The following GADD45GIP1 variants were observed in gnomAD, a reference collection of about 807,000 sequenced individuals.
GADD45GIP1 encodes the protein large ribosomal subunit protein mL64.
A neutral mutation model predicts 22.1 loss-of-function variants in GADD45GIP1; 17 were observed. The ratio of observed to expected loss-of-function variants is 0.77; its 90% CI spans 0.53 to 1.15. GADD45GIP1 has a LOEUF of 1.15. Ranked by LOEUF, GADD45GIP1 falls within the 50% of genes most tolerant of loss-of-function variation. GADD45GIP1 has a pLI of 0.00. For missense variants in GADD45GIP1, 294 were observed against 314.0 expected (o/e 0.94, Z 0.48); for synonymous variants, 135 against 138.4 (o/e 0.98, Z 0.17).
At chr19:12,956,805 G>C in intron 1 of GADD45GIP1, 58 bp downstream of exon 1, 1 of 1,507,696 alleles carries the variant, frequency 6.6e-7, no homozygotes, top group Non-Finnish European at 9.1e-7. Flanking sequence ...CACGGTTTGG[G>C]GCCCAGTTCG....
rs771786408 is a variant in GADD45GIP1, at chr19:12,957,010, G to T, written c.203C>A (p.Ser68Tyr). Reference protein sequence around the residue: ...AKQFARYGAASGVVPGSLWPS... With the variant: ...AKQFARYGAAYGVVPGSLWPS... ...CCATAACGAACCGGGGACCACCCCG[G>T]AGGCGGCGCCGTAACGCGCGAACTG... The change falls in exon 1 of 2, where the codon TCC (serine) becomes TAC (tyrosine). Residue 68 changes from serine (S) to tyrosine (Y), a missense_variant. Transcript: ENST00000316939. 5.0e-6 allele frequency: 8 copies of T among 1,598,090 alleles called. No individual in the cohort carries two copies. Among genetic ancestry groups the T allele is most frequent in the African/African-American group, 4.0e-5 (3 of 74,870 alleles).
chr19:12,953,447 T>G lies in GADD45GIP1; in HGVS notation c.*761A>C, dbSNP rs1440842912. 2 of 155,708 alleles carry G rather than the reference T, an allele frequency of 1.3e-5. No homozygotes were observed. Among genetic ancestry groups the G allele is most frequent in the East Asian group, 3.8e-4 (2 of 5,298 alleles). The allele number at this position is 155,708 out of a possible 1,614,324, so 9.6% of individuals were successfully genotyped here. On this transcript the variant is annotated 3_prime_UTR_variant, in exon 2 of 2. Transcript: ENST00000316939. The stretch of plus-strand genomic sequence containing the variant: ...ATGAGGGGAAGCTGGAGCCCCAACT[T>G]TGATCCTCCATTGGAGTGGCCCAAA...
rs1971887878 is a variant in GADD45GIP1 at position 12,953,943 on chromosome 19, G to A, written c.*265C>T. The A allele has an allele frequency of 1.1e-5, 5 of 461,040 alleles. No homozygotes were observed. The highest frequency in any genetic ancestry group is 1.9e-5 in the Non-Finnish European group (5 of 259,152). 28.6% of individuals were successfully genotyped at this position (461,040 alleles called of 1,614,324 possible). A position where few individuals can be genotyped will look rare whatever the true frequency, so the allele number is the denominator to read the frequency against. ...TGGCTAATTACTGGAGATGAATGTT[G>A]GTAAACAGAAGCCTTCTTCTCTTCT... On this transcript the variant is annotated 3_prime_UTR_variant, in exon 2 of 2. Transcript: ENST00000316939.
At chr19:12,956,316 C>A (rs1971923672) in intron 1 of GADD45GIP1, among the ~76,000 whole-genome samples, 2 of 152,204 alleles carry the variant, frequency 1.3e-5, no homozygotes, top group South Asian at 4.1e-4. Context: ...CCACCGCCCC[C>A]GGCCTGGGAC....
intron 1 of GADD45GIP1, among the ~76,000 whole-genome samples, chr19:12,955,061 T>A (rs1027794829): frequency 1.3e-5 from 2 of 152,164 alleles, no homozygotes; most frequent in Non-Finnish European, 2.9e-5. Context: ...ACTCAGGTAT[T>A]AAACCTAGTA....
chr19:12,956,932 G>C lies in GADD45GIP1; in HGVS notation c.281C>G (p.Pro94Arg), dbSNP rs137887501. 771 of 1,599,712 alleles carry C rather than the reference G, an allele frequency of 4.8e-4. 1 individual carries two copies. The African/African-American group carries it at 8.8e-3, about 18-fold the overall frequency. ...CGACTCCTGCATGGTCGCCAGGCTC[G>C]GGTACCATTCGCGTTCTTCGGCCTC... ...ELEAEEREWY[P>R]SLATMQESLR... Residue 94 changes from proline (P) to arginine (R), a missense_variant, in exon 1 of 2, where the codon CCG becomes CGG. Pro to Arg is a moderately radical substitution (Grantham distance 103). Transcript: ENST00000316939.
Position 12,954,368 on chromosome 19 carries a change from G to C in GADD45GIP1, c.509C>G (p.Pro170Arg). ...AQELLGYQVD[P>R]RSARFQELLQ... ...CAGCTCCTGGAAGCGGGCACTCCTTGGGTCCACCTGGTAGCCCAGGAGCTC... is the reference window on the plus strand; with the variant it reads ...CAGCTCCTGGAAGCGGGCACTCCTTCGGTCCACCTGGTAGCCCAGGAGCTC... Residue 170 changes from proline (P) to arginine (R), a missense_variant, in exon 2 of 2, where the codon CCA becomes CGA. Transcript: ENST00000316939. 6.2e-7 allele frequency: 1 copy of C among 1,614,174 alleles called. No homozygotes were observed. Among genetic ancestry groups the C allele is most frequent in the East Asian group, 2.2e-5 (1 of 44,870 alleles).
chr19:12,957,088 G>C lies in GADD45GIP1; in HGVS notation c.125C>G (p.Pro42Arg). 2 of 1,519,934 alleles carry C rather than the reference G, an allele frequency of 1.3e-6. No homozygotes were observed. The highest frequency in any genetic ancestry group is 1.7e-6 in the Non-Finnish European group (2 of 1,144,028). 94.2% of individuals were successfully genotyped at this position (1,519,934 alleles called of 1,614,324 possible). A position where few individuals can be genotyped will look rare whatever the true frequency, so the allele number is the denominator to read the frequency against. Residue 42 changes from proline to arginine, a missense_variant, in exon 1 of 2, where the codon CCC becomes CGC. Pro to Arg is a moderately radical substitution (Grantham distance 103, BLOSUM62 -2). Transcript: ENST00000316939. Reference protein sequence around the residue: ...RRRPGPRWPDPEDLLTPRWQL... With the variant: ...RRRPGPRWPDREDLLTPRWQL... ...CCACCGCGGGGTCAGGAGGTCCTCG[G>C]GGTCTGGCCACCGGGGTCCCGGCCT...
chr19:12,954,873 G>C (rs1189948334), intron 1 of GADD45GIP1, among the ~76,000 whole-genome samples: 1 of 152,124 alleles, frequency 6.6e-6, no homozygotes, highest in Non-Finnish European at 1.5e-5. Flanking sequence ...CTGTACAGAG[G>C]CCAGGCCCAA....
rs1188911390 is a variant in GADD45GIP1 at position 12,956,848 on chromosome 19, C to T, written c.350+15G>A. 6.3e-7 allele frequency: 1 copy of T among 1,593,754 alleles called. No homozygotes were observed. Among genetic ancestry groups the T allele is most frequent in the South Asian group, 1.1e-5 (1 of 90,082 alleles). On this transcript the variant is annotated intron_variant, in intron 1 of 1. Transcript: ENST00000316939. ...GGCACAGAGGGCAGCCCCGCGTCTG[C>T]CTGCACGCACGCACCTCTCCCGACG...
rs756711783 is a variant in GADD45GIP1 at position 12,954,186 on chromosome 19, T to G, written c.*22A>C. On this transcript the variant is annotated 3_prime_UTR_variant, in exon 2 of 2. Coordinates refer to ENST00000316939, the MANE Select transcript of GADD45GIP1 (RefSeq NM_052850.4). ...TCAGGGGTACTGCCAGGTAGCAGGC[T>G]TTATTGGGAAGGGACAAAGCCTCAG... The G allele has an allele frequency of 6.2e-7, 1 of 1,601,322 alleles. No individual in the cohort carries two copies. The highest frequency in any genetic ancestry group is 8.5e-7 in the Non-Finnish European group (1 of 1,172,838).
At chr19:12,955,241 C>G (rs1014817783) in intron 1 of GADD45GIP1, among the ~76,000 whole-genome samples, 1 of 152,268 alleles carries the variant, frequency 6.6e-6, no homozygotes, top group African/African-American at 2.4e-5. Flanking sequence ...TGATAGCCTC[C>G]AGCTCCCGTC....
In GADD45GIP1 at chr19:12,954,578, C is replaced by G; in HGVS notation, c.351-52G>C. Reference sequence around the variant, plus strand: ...ACACTGGCACTCAGCCAGGGCAGAGCCCACCCACCCATATCTCACCCATAG... The same window carrying G: ...ACACTGGCACTCAGCCAGGGCAGAGGCCACCCACCCATATCTCACCCATAG... On this transcript the variant is annotated intron_variant, in intron 1 of 1. Transcript: ENST00000316939. 3 of 1,482,418 alleles carry G rather than the reference C, an allele frequency of 2.0e-6. No homozygotes were observed. The Admixed American group carries it at 5.9e-5, about 29-fold the overall frequency. The allele number at this position is 1,482,418 out of a possible 1,614,324, so 91.8% of individuals were successfully genotyped here. A position where few individuals can be genotyped will look rare whatever the true frequency, so the allele number is the denominator to read the frequency against.
chr19:12,956,327 A>AG (rs1971923840), intron 1 of GADD45GIP1, among the ~76,000 whole-genome samples: 5 of 152,168 alleles, frequency 3.3e-5, no homozygotes, highest in Admixed American at 3.3e-4. Context: ...GGCCTGGGAC[A>AG]GGGTCTTGCA....
Position 12,954,539 on chromosome 19 carries a change from G to A in GADD45GIP1, c.351-13C>T, listed in dbSNP as rs920128210. On this transcript the variant is annotated splice_polypyrimidine_tract_variant and intron_variant, in intron 1 of 1. Coordinates refer to ENST00000316939, the MANE Select transcript of GADD45GIP1 (RefSeq NM_052850.4). ...GATGTGCTGCTCCCTGCAGGGGAGG[G>A]AGAGTGGGCTGTGACACTGGCACTC... is the stretch of plus-strand genomic sequence containing the variant. 5.6e-6 allele frequency: 9 copies of A among 1,597,598 alleles called. No individual in the cohort carries two copies. Among genetic ancestry groups the A allele is most frequent in the East Asian group, 2.2e-5 (1 of 44,634 alleles).
At position 12,953,921 on chromosome 19, in the gene GADD45GIP1, C is replaced by G; in HGVS notation, c.*287G>C. 1 of 356,248 alleles carries G rather than the reference C, an allele frequency of 2.8e-6. No homozygotes were observed. Among genetic ancestry groups the G allele is most frequent in the Non-Finnish European group, 5.1e-6 (1 of 195,094 alleles). 22.1% of individuals were successfully genotyped at this position (356,248 alleles called of 1,614,324 possible). A position where few individuals can be genotyped will look rare whatever the true frequency, so the allele number is the denominator to read the frequency against. ...CCCCCCCCACCAGCCTTGTAATTGG[C>G]TAATTACTGGAGATGAATGTTGGTA... On this transcript the variant is annotated 3_prime_UTR_variant, in exon 2 of 2. Coordinates refer to ENST00000316939, the MANE Select transcript of GADD45GIP1 (RefSeq NM_052850.4).
chr19:12,953,872 C>T lies in GADD45GIP1; in HGVS notation c.*336G>A, dbSNP rs2146048572. 1 of 263,200 alleles carries T rather than the reference C, an allele frequency of 3.8e-6. No homozygotes were observed. The highest frequency in any genetic ancestry group is 6.7e-5 in the South Asian group (1 of 14,950). 16.3% of individuals were successfully genotyped at this position (263,200 alleles called of 1,614,324 possible). Reference sequence around the variant, plus strand: ...TTCTCCCCGGCCCCCACCATCATCACCACAGTCTGTTTTGGCTATACTTCC... The same window carrying T: ...TTCTCCCCGGCCCCCACCATCATCATCACAGTCTGTTTTGGCTATACTTCC... On this transcript the variant is annotated 3_prime_UTR_variant, in exon 2 of 2. Coordinates refer to ENST00000316939, the MANE Select transcript of GADD45GIP1 (RefSeq NM_052850.4).
chr19:12,953,368 T>A lies in GADD45GIP1; in HGVS notation c.*840A>T. 5.1e-6 allele frequency: 1 copy of A among 196,348 alleles called. No homozygotes were observed. The highest frequency in any genetic ancestry group is 1.0e-5 in the Non-Finnish European group (1 of 98,388). The allele number at this position is 196,348 out of a possible 1,614,324, so 12.2% of individuals were successfully genotyped here. A position where few individuals can be genotyped will look rare whatever the true frequency, so the allele number is the denominator to read the frequency against. ...GCAGCCAGACGGAAAGGCGGCTGCT[T>A]GCCTCTCCATCCTCCGAAAAACCCC... is the stretch of plus-strand genomic sequence containing the variant. On this transcript the variant is annotated 3_prime_UTR_variant, in exon 2 of 2. Transcript: ENST00000316939.
Position 12,953,866 on chromosome 19 carries a change from T to G in GADD45GIP1, c.*342A>C. ...GACTGCTTCTCCCCGGCCCCCACCA[T>G]CATCACCACAGTCTGTTTTGGCTAT... On this transcript the variant is annotated 3_prime_UTR_variant, in exon 2 of 2. Transcript: ENST00000316939. The G allele has an allele frequency of 1.8e-5, 4 of 217,822 alleles. No individual in the cohort carries two copies. The highest frequency in any genetic ancestry group is 3.7e-5 in the Non-Finnish European group (4 of 109,380). 13.5% of individuals were successfully genotyped at this position (217,822 alleles called of 1,614,324 possible). A position where few individuals can be genotyped will look rare whatever the true frequency, so the allele number is the denominator to read the frequency against.
Sources: allele counts gnomAD v4.1 joint callset (sites outside exome capture counted in the v4.1 genomes callset), GRCh38; gene constraint gnomAD v4.1.1; transcripts MANE v1.5; gene names NCBI Gene and HGNC (gene_info 2026-07-23, HGNC 2026-07-21).